Variants in PCDH15 observed in about 807,000 individuals in gnomAD.
PCDH15 encodes the protein protocadherin related 15.
PCDH15 carries 129 observed loss-of-function variants against 178.5 expected under a neutral mutation model. The observed-to-expected ratio is 0.72, with a 90% CI of 0.63 to 0.84. The LOEUF is 0.84. Among genes scored for constraint, PCDH15 ranks in the 40% least tolerant of loss-of-function variants. The probability of loss-of-function intolerance (pLI) is 0.00; values close to 1 mark genes in which losing one functional copy is unlikely to be tolerated. For synonymous variants in PCDH15, 800 were observed against 732.0 expected (o/e 1.09, Z -1.50); for missense variants, 2,230 against 2,099.9 (o/e 1.06, Z -1.21).
At chr10:55,008,715 T>A (rs1006236760) in intron 2 of PCDH15, among the ~76,000 whole-genome samples, 13 of 152,038 alleles carry the variant, frequency 8.6e-5, no homozygotes, top group African/African-American at 2.9e-4. Context: ...CAATTAACCC[T>A]CCCCAGCTAC....
intron 2 of PCDH15, among the ~76,000 whole-genome samples, chr10:55,120,354 T>C (rs1837734133): frequency 6.6e-6 from 1 of 152,160 alleles, no homozygotes; most frequent in South Asian, 2.1e-4. Context: ...CATTACCACA[T>C]GGTAATACCA....
upstream of PCDH15, among the ~76,000 whole-genome samples, chr10:54,803,479 G>C (rs1952725127): frequency 6.6e-6 from 1 of 152,142 alleles, no homozygotes; most frequent in Admixed American, 6.5e-5. Flanking sequence ...AATGACAAAA[G>C]CTTGTGAGCC....
intron 2 of PCDH15, among the ~76,000 whole-genome samples, chr10:54,550,778 GTGAATCCACATCAAGC>G (rs1280141908): frequency 3.3e-5 from 5 of 152,024 alleles, no homozygotes; most frequent in African/African-American, 1.2e-4. Context: ...TTAATGCTAG[GTGAATCCACATCAAGC>G]ATTCAATATT....
At chr10:55,137,571 A>C (rs1838229106) in intron 2 of PCDH15, among the ~76,000 whole-genome samples, 1 of 151,270 alleles carries the variant, frequency 6.6e-6, no homozygotes, top group South Asian at 2.1e-4. Flanking sequence ...CTGAGAAATA[A>C]TTTCTATGTA....
At chr10:55,088,032 T>C (rs1285412983) in intron 2 of PCDH15, among the ~76,000 whole-genome samples, 3 of 152,108 alleles carry the variant, frequency 2.0e-5, no homozygotes, top group African/African-American at 7.2e-5. Flanking sequence ...TAACACAATG[T>C]ACACGATTAA....
Position 54,023,093 on chromosome 10 carries a change from C to T in PCDH15, c.2325G>A (p.Val775=), listed in dbSNP as rs200792575. ...ITSNGSIYTA[V]KLNREVRDYY... is the part of the protein sequence containing the mutation. ...AGTCCCTGACTTCTCTGTTAAGCTT[C>T]ACTGCTGTGTAAATGCTCCCATTGG... The change falls in exon 19 of 38, where the codon GTG becomes GTA. Residue 775 remains valine, a synonymous_variant. Coordinates refer to ENST00000644397, the MANE Select transcript of PCDH15 (RefSeq NM_001384140.1). 162 of 1,613,822 alleles carry T rather than the reference C, an allele frequency of 1.0e-4. No individual in the cohort carries two copies. Among genetic ancestry groups the T allele is most frequent in the Non-Finnish European group, 1.3e-4 (148 of 1,179,912 alleles).
intron 3 of PCDH15, among the ~76,000 whole-genome samples, chr10:54,404,083 A>G (rs2135516466): frequency 6.6e-6 from 1 of 152,076 alleles, no homozygotes; most frequent in Non-Finnish European, 1.5e-5. Context: ...TTAAACTACC[A>G]ATGACATTCT....
intron 5 of PCDH15, among the ~76,000 whole-genome samples, chr10:54,358,783 T>C (rs1945485645): frequency 6.6e-6 from 1 of 151,838 alleles, no homozygotes; most frequent in Non-Finnish European, 1.5e-5. Flanking sequence ...AGTGATAGAC[T>C]GGATTAAGAA....
At chr10:54,053,786 T>C (rs1442859215) in intron 18 of PCDH15, among the ~76,000 whole-genome samples, 2 of 152,176 alleles carry the variant, frequency 1.3e-5, no homozygotes, top group African/African-American at 4.8e-5. Flanking sequence ...CTTAAGTTAT[T>C]TGTTAGTTAG....
intron 1 of PCDH15, among the ~76,000 whole-genome samples, chr10:54,677,492 C>T (rs779974576): frequency 4.6e-5 from 7 of 151,752 alleles, no homozygotes; most frequent in South Asian, 2.1e-4. Flanking sequence ...TGTGTGCGTG[C>T]GTGTCAGGTT....
At chr10:54,479,471 A>G (rs957778740) in intron 3 of PCDH15, among the ~76,000 whole-genome samples, 1 of 152,000 alleles carries the variant, frequency 6.6e-6, no homozygotes, top group Non-Finnish European at 1.5e-5. Context: ...ACATCATATC[A>G]TCATATAGCT....
rs574563148 is a variant in PCDH15, at chr10:55,509,258, C to T, written c.-156+118367G>A. Among the ~76,000 whole-genome samples the T allele has an allele frequency of 1.9e-3, 288 of 151,816 alleles. 4 individuals are homozygous for T. Among genetic ancestry groups the T allele is most frequent in the Non-Finnish European group, 3.1e-4 (21 of 67,850 alleles). The stretch of plus-strand genomic sequence containing the variant: ...TAGTAAATAGTAAATGTATAAAATT[C>T]CCTGCTGCAATACAGTGTTGAAAGG... On this transcript the variant is annotated intron_variant, in intron 2 of 5. Coordinates refer to the PCDH15 transcript ENST00000613346.
chr10:54,767,646 G>T (rs949931071), intron 1 of PCDH15, among the ~76,000 whole-genome samples: 12 of 152,088 alleles, frequency 7.9e-5, no homozygotes, highest in Non-Finnish European at 1.5e-4. Context: ...TTGGTAGTAT[G>T]TACCATTGAT....
intron 18 of PCDH15, among the ~76,000 whole-genome samples, chr10:54,056,150 T>C (rs2093881832): frequency 6.6e-6 from 1 of 152,170 alleles, no homozygotes; most frequent in African/African-American, 2.4e-5. Flanking sequence ...ATTTATGGGG[T>C]ACATGTGATA....
rs2082232293 is a variant in PCDH15 at position 53,900,173 on chromosome 10, T to C, written c.3501+3070A>G. Among the ~76,000 whole-genome samples the C allele has an allele frequency of 2.7e-5, 4 of 150,238 alleles. No homozygotes were observed. In the South Asian group the frequency reaches 8.3e-4, roughly 31 times the overall value. On this transcript the variant is annotated intron_variant, in intron 26 of 37. Transcript: ENST00000644397. Reference sequence around the variant, plus strand: ...TTGACTTTATTATTATAGCATACACTTGCATAAACACATTCTTTCTCTCTC... The same window carrying C: ...TTGACTTTATTATTATAGCATACACCTGCATAAACACATTCTTTCTCTCTC...
intron 20 of PCDH15, among the ~76,000 whole-genome samples, chr10:54,002,135 T>TACACACAC (rs1408777130): frequency 1.3e-4 from 19 of 151,160 alleles, no homozygotes; most frequent in African/African-American, 4.6e-4. Flanking sequence ...TGTGTGTATA[T>TACACACAC]ATATATACAC....
At chr10:55,285,058 ATC>A in intron 1 of PCDH15, among the ~76,000 whole-genome samples, 1 of 151,352 alleles carries the variant, frequency 6.6e-6, no homozygotes, top group South Asian at 2.1e-4. Context: ...AGTTTTCTTA[ATC>A]TCTCTGAAGA....
At chr10:54,335,193 T>C (rs1940813511) in intron 6 of PCDH15, among the ~76,000 whole-genome samples, 1 of 152,174 alleles carries the variant, frequency 6.6e-6, no homozygotes, top group South Asian at 2.1e-4. Flanking sequence ...GCAGGCAACA[T>C]TAACTTTGCT....
chr10:54,687,830 C>G (rs749151064), intron 1 of PCDH15, among the ~76,000 whole-genome samples: 1 of 151,978 alleles, frequency 6.6e-6, no homozygotes, highest in Non-Finnish European at 1.5e-5. Context: ...GGTCCCTATA[C>G]CTATTACCAT....
Sources: gnomAD v4.1 joint callset for allele counts (sites outside exome capture counted in the v4.1 genomes callset) on GRCh38, gnomAD v4.1.1 for gene constraint, MANE v1.5 for transcripts, NCBI Gene and HGNC (gene_info 2026-07-23, HGNC 2026-07-21) for gene names.